The following PHACTR3 variants were observed in gnomAD, a reference collection of about 807,000 sequenced individuals.
The protein encoded by PHACTR3 is phosphatase and actin regulator 3.
PHACTR3 carries 16 observed loss-of-function variants against 66.8 expected under a neutral mutation model. That is an observed-to-expected ratio of 0.24 (90% CI 0.16 to 0.36). The LOEUF is 0.36. Among genes scored for constraint, PHACTR3 ranks in the 10% least tolerant of loss-of-function variants. The pLI is 1.00. For synonymous variants in PHACTR3, 323 were observed against 292.1 expected (o/e 1.11, Z -1.08); for missense variants, 647 against 719.9 (o/e 0.90, Z 1.16).
intron 1 of PHACTR3, among the ~76,000 whole-genome samples, chr20:59,665,408 G>A (rs1486946857): frequency 7.2e-5 from 11 of 152,246 alleles, no homozygotes; most frequent in African/African-American, 2.7e-4. Flanking sequence ...GCACCTCTGT[G>A]AGAATTGGGA....
At chr20:59,755,081 C>G (rs1399292039) in intron 3 of PHACTR3, 101 bp from the exon 4 acceptor site, 1 of 1,256,650 alleles carries the variant, frequency 8.0e-7, no homozygotes. Flanking sequence ...GGGGGACCAC[C>G]CAGAGCCTAG....
chr20:59,813,252 C>G lies in PHACTR3; in HGVS notation c.1328+7058C>G, dbSNP rs1292257775. ...AGGAGCGAACACACCTGACATGGGT[C>G]ACTCCCGGAGCAGGGCTGAGCTGCC... On this transcript the variant is annotated intron_variant, in intron 8 of 12. Transcript: ENST00000371015. Among the ~76,000 whole-genome samples, 6 of 152,332 alleles carry G rather than the reference C, an allele frequency of 3.9e-5. No individual in the cohort carries two copies. In the East Asian group the frequency reaches 7.7e-4, roughly 20 times the overall value.
chr20:59,636,565 G>T (rs1449343316), intron 1 of PHACTR3, among the ~76,000 whole-genome samples: 5 of 152,174 alleles, frequency 3.3e-5, no homozygotes, highest in Admixed American at 3.3e-4. Context: ...ACCTGGTCTG[G>T]ATCGGGGCTC....
intron 1 of PHACTR3, among the ~76,000 whole-genome samples, chr20:59,662,791 G>C (rs2035857388): frequency 6.6e-6 from 1 of 152,170 alleles, no homozygotes; most frequent in Admixed American, 6.5e-5. Context: ...TGGGGAGTGG[G>C]TGAGGGAACT....
chr20:59,651,071 C>A (rs1192378675), intron 1 of PHACTR3, among the ~76,000 whole-genome samples: 2 of 151,876 alleles, frequency 1.3e-5, no homozygotes, highest in East Asian at 3.9e-4. Flanking sequence ...AAAAAAAAAT[C>A]ATCTTTGGGT....
intron 4 of PHACTR3, among the ~76,000 whole-genome samples, chr20:59,763,413 C>T (rs1468179406): frequency 6.6e-6 from 1 of 152,144 alleles, no homozygotes; most frequent in African/African-American, 2.4e-5. Flanking sequence ...TGGATTAGTG[C>T]CATGTCCACA....
chr20:59,581,477 G>A (rs775042945), intron 1 of PHACTR3, among the ~76,000 whole-genome samples: 2 of 152,226 alleles, frequency 1.3e-5, no homozygotes, highest in African/African-American at 2.4e-5. Flanking sequence ...AAATCCCCAC[G>A]CAGCTGTCAC....
At chr20:59,630,163 G>A (rs1462851521) in intron 1 of PHACTR3, among the ~76,000 whole-genome samples, 1 of 152,070 alleles carries the variant, frequency 6.6e-6, no homozygotes, top group African/African-American at 2.4e-5. Context: ...GTTCATATCA[G>A]GTATATGTCT....
intron 1 of PHACTR3, chr20:59,626,831 A>T (rs1004203420): frequency 6.6e-6 from 1 of 152,244 alleles, no homozygotes; most frequent in Non-Finnish European, 1.5e-5. Context: ...TGCCTGCATC[A>T]CAATTCCTTG....
In PHACTR3 at chr20:59,806,226, T is replaced by C. The variant is rs148479418; in HGVS notation, c.1328+32T>C. The C allele has an allele frequency of 4.1e-4, 653 of 1,607,580 alleles. 3 individuals are homozygous for C. The African/African-American group carries it at 7.2e-3, about 18-fold the overall frequency. Reference sequence around the variant, plus strand: ...GGCAGCTTGCGGGCACAGCCGGGCCTGTGCTCTGGCCTTGCAGGCGGAGCC... The same window carrying C: ...GGCAGCTTGCGGGCACAGCCGGGCCCGTGCTCTGGCCTTGCAGGCGGAGCC... On this transcript the variant is annotated intron_variant, in intron 8 of 12. Transcript: ENST00000371015.
rs1469966592 is a variant in PHACTR3 at position 59,605,203 on chromosome 20, C to A, written c.118+71C>A. On this transcript the variant is annotated intron_variant, in intron 1 of 12. Coordinates refer to ENST00000371015, the MANE Select transcript of PHACTR3 (RefSeq NM_080672.5). The stretch of plus-strand genomic sequence containing the variant: ...GCAGGTGGCGCTGAGAGCAGGACCC[C>A]GCGAGGCTCCGCGCCCCGCCTGCAT... The A allele has an allele frequency of 2.8e-6, 3 of 1,057,618 alleles. No individual in the cohort carries two copies. In the African/African-American group the frequency reaches 5.0e-5, roughly 18 times the overall value. 65.5% of individuals were successfully genotyped at this position (1,057,618 alleles called of 1,614,324 possible). A position where few individuals can be genotyped will look rare whatever the true frequency, so the allele number is the denominator to read the frequency against.
At position 59,773,188 on chromosome 20, in the gene PHACTR3, G is replaced by T. The variant is rs114641057; in HGVS notation, c.752-91G>T. 4,872 of 1,432,522 alleles carry T rather than the reference G, an allele frequency of 3.4e-3. 121 individuals are homozygous for T. The African/African-American group carries it at 0.061, about 18-fold the overall frequency. The allele number at this position is 1,432,522 out of a possible 1,614,324, so 88.7% of individuals were successfully genotyped here. On this transcript the variant is annotated intron_variant, in intron 5 of 12. Coordinates refer to ENST00000371015, the MANE Select transcript of PHACTR3 (RefSeq NM_080672.5). ...GCCCCTCCTGGAGGTGCAGGGGAGC[G>T]TCCTTTCCGCTCATGGTCCCCAGTC...
intron 1 of PHACTR3, among the ~76,000 whole-genome samples, chr20:59,622,270 T>A (rs1019549543): frequency 4.6e-5 from 7 of 152,020 alleles, no homozygotes; most frequent in Admixed American, 4.6e-4. Flanking sequence ...AGCTGGCCTT[T>A]GGGTCAGGCT....
intron 5 of PHACTR3, among the ~76,000 whole-genome samples, chr20:59,772,656 C>G (rs996953110): frequency 9.9e-5 from 15 of 152,150 alleles, no homozygotes; most frequent in African/African-American, 3.4e-4. Context: ...GGTGGAGATG[C>G]AGCTAGGGAG....
intron 1 of PHACTR3, among the ~76,000 whole-genome samples, chr20:59,698,440 A>G (rs1356951334): frequency 6.6e-6 from 1 of 152,162 alleles, no homozygotes; most frequent in Non-Finnish European, 1.5e-5. Context: ...ATAAAAAAAA[A>G]AGGATTTCAC....
chr20:59,726,282 C>T (rs1402003089), intron 1 of PHACTR3, among the ~76,000 whole-genome samples: 1 of 152,056 alleles, frequency 6.6e-6, no homozygotes, highest in African/African-American at 2.4e-5. Context: ...TTTTGTTGGC[C>T]CCCCAATCCT....
intron 8 of PHACTR3, among the ~76,000 whole-genome samples, chr20:59,812,431 C>T (rs1368552611): frequency 6.6e-6 from 1 of 152,232 alleles, no homozygotes; most frequent in African/African-American, 2.4e-5. Flanking sequence ...GCCTCCCACT[C>T]CTGCTCTGTC....
intron 1 of PHACTR3, among the ~76,000 whole-genome samples, chr20:59,690,550 G>A (rs1379729579): frequency 6.6e-6 from 1 of 152,230 alleles, no homozygotes; most frequent in East Asian, 1.9e-4. Flanking sequence ...GGAGGTGTGT[G>A]CAGAGTGGAA....
chr20:59,664,724 G>A (rs1334689506), intron 1 of PHACTR3, among the ~76,000 whole-genome samples: 1 of 152,196 alleles, frequency 6.6e-6, no homozygotes, highest in African/African-American at 2.4e-5. Flanking sequence ...ATCTCAGTGT[G>A]GCAAAGTTGT....
Sources: gnomAD v4.1 joint callset for allele counts (sites outside exome capture counted in the v4.1 genomes callset) on GRCh38, gnomAD v4.1.1 for gene constraint, MANE v1.5 for transcripts, NCBI Gene and HGNC (gene_info 2026-07-23, HGNC 2026-07-21) for gene names.